Variants in NR3C2 observed in about 807,000 individuals in gnomAD.
NR3C2 encodes nuclear receptor subfamily 3 group C member 2, also known as mineralocorticoid receptor.
Under a neutral mutation model 86.4 loss-of-function variants are expected in NR3C2, and 15 were observed. That is an observed-to-expected ratio of 0.17 (90% CI 0.12 to 0.27). The LOEUF (loss-of-function observed/expected upper bound fraction) is 0.27, where lower values mean the gene tolerates loss of function less well. Among genes scored for constraint, NR3C2 ranks in the 10% least tolerant of loss-of-function variants. The pLI is 1.00. For synonymous variants in NR3C2, 458 were observed against 450.5 expected, an observed-to-expected ratio of 1.02 and a Z score of -0.21; for missense variants, 960 against 1,195.6, an observed-to-expected ratio of 0.80 and a Z score of 2.91.
intron 2 of NR3C2, among the ~76,000 whole-genome samples, chr4:148,393,367 C>T (rs1290090342): frequency 1.3e-5 from 2 of 152,210 alleles, no homozygotes; most frequent in Non-Finnish European, 2.9e-5. Context: ...ACCCAAACTG[C>T]GCTTGCCAGC....
chr4:148,433,556 T>A (rs901390045), intron 2 of NR3C2, among the ~76,000 whole-genome samples: 36 of 152,140 alleles, frequency 2.4e-4, no homozygotes, highest in African/African-American at 8.4e-4. Context: ...CTGGAAGGAA[T>A]TCAAAGTATT....
rs557075339 is a variant in NR3C2 at position 148,252,297 on chromosome 4, A to G, written c.1897+7681T>C. Among the ~76,000 whole-genome samples the G allele has an allele frequency of 6.6e-5, 10 of 152,298 alleles. No homozygotes were observed. In the South Asian group the frequency reaches 1.9e-3, roughly 28 times the overall value. On this transcript the variant is annotated intron_variant, in intron 3 of 8. Coordinates refer to ENST00000358102, the MANE Select transcript of NR3C2 (RefSeq NM_000901.5). ...AGTCAATGTTTTCCCTATGACAACA[A>G]TTGTTGAGGGAGTTTAGATTCAACG...
rs118082212 is a variant in NR3C2, at chr4:148,284,031, C to T, written c.1758-23914G>A. Among the ~76,000 whole-genome samples the T allele has an allele frequency of 1.1e-3, 163 of 152,214 alleles. 1 individual carries two copies. The East Asian group carries it at 0.025, about 23-fold the overall frequency. On this transcript the variant is annotated intron_variant, in intron 2 of 8. Coordinates refer to ENST00000358102, the MANE Select transcript of NR3C2 (RefSeq NM_000901.5). ...ACCTTCTACCACATACCTTGTCCCA[C>T]GGGAGAGATAAGTCTATAAAGAAGA... is the stretch of plus-strand genomic sequence containing the variant.
Position 148,282,691 on chromosome 4 carries a change from G to T in NR3C2, c.1758-22574C>A, listed in dbSNP as rs190823619. ...AGTTGGAGGGGGTGCAGTCCCAGGG[G>T]ACAAAAATATCCTGATATTGCCTAA... On this transcript the variant is annotated intron_variant, in intron 2 of 8. Transcript: ENST00000358102. Among the ~76,000 whole-genome samples, 111 of 152,190 alleles carry T rather than the reference G, an allele frequency of 7.3e-4. 1 individual carries two copies. Among genetic ancestry groups the T allele is most frequent in the African/African-American group, 2.6e-3 (110 of 41,524 alleles).
At chr4:148,294,943 C>T (rs966717711) in intron 2 of NR3C2, among the ~76,000 whole-genome samples, 4 of 152,044 alleles carry the variant, frequency 2.6e-5, no homozygotes, top group Admixed American at 2.0e-4. Context: ...GCTATGATCA[C>T]GCCATTGCAC....
At chr4:148,107,744 G>A (rs1731867309) in intron 8 of NR3C2, among the ~76,000 whole-genome samples, 1 of 152,150 alleles carries the variant, frequency 6.6e-6, no homozygotes, top group South Asian at 2.1e-4. Flanking sequence ...ACTAATACAG[G>A]AACAGAAAAG....
At chr4:148,291,121 C>T (rs1441712324) in intron 2 of NR3C2, among the ~76,000 whole-genome samples, 1 of 152,098 alleles carries the variant, frequency 6.6e-6, no homozygotes, top group East Asian at 1.9e-4. Flanking sequence ...CTTTATTCCA[C>T]TTGTTACTTA....
chr4:148,100,586 A>G (rs1242811207), intron 8 of NR3C2, among the ~76,000 whole-genome samples: 2 of 152,228 alleles, frequency 1.3e-5, no homozygotes, highest in Non-Finnish European at 2.9e-5. Context: ...GATCACAAGG[A>G]TGTGGAGAAA....
rs1229953102 is a variant in NR3C2 at position 148,321,795 on chromosome 4, T to C, written c.1758-61678A>G. The stretch of plus-strand genomic sequence containing the variant: ...GTCTCTGCACATGAGATGGGTTTCC[T>C]GAATACAGCACACTGTTGGGTCTTG... On this transcript the variant is annotated intron_variant, in intron 2 of 8. Coordinates refer to ENST00000358102, the MANE Select transcript of NR3C2 (RefSeq NM_000901.5). Among the ~76,000 whole-genome samples, 7 of 152,366 alleles carry C rather than the reference T, an allele frequency of 4.6e-5. No homozygotes were observed. In the East Asian group the frequency reaches 1.3e-3, roughly 29 times the overall value.
At chr4:148,211,066 A>G (rs1737259226) in intron 3 of NR3C2, among the ~76,000 whole-genome samples, 1 of 152,240 alleles carries the variant, frequency 6.6e-6, no homozygotes, top group Non-Finnish European at 1.5e-5. Flanking sequence ...TATGAAGCCC[A>G]ACTCAGAGCA....
intron 2 of NR3C2, among the ~76,000 whole-genome samples, chr4:148,314,104 T>C (rs780640795): frequency 3.3e-5 from 5 of 152,082 alleles, no homozygotes; most frequent in African/African-American, 4.8e-5. Flanking sequence ...GCAAGTAAGA[T>C]TGGACTCAGT....
intron 4 of NR3C2, among the ~76,000 whole-genome samples, chr4:148,165,575 C>A (rs910098881): frequency 1.3e-5 from 2 of 151,948 alleles, no homozygotes; most frequent in African/African-American, 4.8e-5. Flanking sequence ...CAAAAACTAC[C>A]TTAATTATAA....
chr4:148,224,185 C>A (rs6822304), intron 3 of NR3C2, among the ~76,000 whole-genome samples: 1 of 151,198 alleles, frequency 6.6e-6, no homozygotes, highest in South Asian at 2.1e-4. Flanking sequence ...AGACAACATG[C>A]AAATCCCTAA....
intron 8 of NR3C2, among the ~76,000 whole-genome samples, chr4:148,094,886 G>C (rs1731214669): frequency 7.1e-6 from 1 of 141,060 alleles, no homozygotes; most frequent in African/African-American, 2.9e-5. Flanking sequence ...ATGAAATTCT[G>C]ATACATGCTA....
chr4:148,333,698 T>C (rs1284011079), intron 2 of NR3C2, among the ~76,000 whole-genome samples: 1 of 152,148 alleles, frequency 6.6e-6, no homozygotes, highest in African/African-American at 2.4e-5. Context: ...CCCTAGCTGA[T>C]ATAAAATCAA....
chr4:148,323,611 C>T (rs1228571900), intron 2 of NR3C2, among the ~76,000 whole-genome samples: 3 of 152,068 alleles, frequency 2.0e-5, no homozygotes, highest in Non-Finnish European at 4.4e-5. Context: ...GTCGGAAAAG[C>T]GCAGTATTCG....
intron 3 of NR3C2, among the ~76,000 whole-genome samples, chr4:148,239,427 G>A (rs1317852094): frequency 6.6e-6 from 1 of 152,148 alleles, no homozygotes; most frequent in African/African-American, 2.4e-5. Context: ...GCTGCTTCTG[G>A]CTCTCTCACC....
chr4:148,367,392 T>G (rs1284724950), intron 2 of NR3C2, among the ~76,000 whole-genome samples: 1 of 152,202 alleles, frequency 6.6e-6, no homozygotes, highest in African/African-American at 2.4e-5. Flanking sequence ...AACAATGCCA[T>G]AATTTAAGTG....
intron 4 of NR3C2, among the ~76,000 whole-genome samples, chr4:148,172,098 T>G (rs1735155459): frequency 6.6e-6 from 1 of 152,178 alleles, no homozygotes; most frequent in African/African-American, 2.4e-5. Context: ...TTCTTTCTAT[T>G]ACCTCTTATT....
Sources: gnomAD v4.1 joint callset for allele counts (sites outside exome capture counted in the v4.1 genomes callset) on GRCh38, gnomAD v4.1.1 for gene constraint, MANE v1.5 for transcripts, NCBI Gene and HGNC (gene_info 2026-07-23, HGNC 2026-07-21) for gene names.